MYT1L: variants seen among roughly 807,000 people sequenced by gnomAD.
MYT1L encodes myelin transcription factor 1-like protein.
A neutral mutation model predicts 126.7 loss-of-function variants in MYT1L; 12 were observed. The observed-to-expected ratio is 0.09, with a 90% CI of 0.06 to 0.15. MYT1L has a LOEUF of 0.15. Ranked by LOEUF, MYT1L falls within the 10% of genes least tolerant of loss-of-function variation. The probability of loss-of-function intolerance (pLI) is 1.00; values close to 1 mark genes in which losing one functional copy is unlikely to be tolerated. For missense variants in MYT1L, 979 were observed against 1,585.2 expected (o/e 0.62, Z 6.49); for synonymous variants, 541 against 604.2 (o/e 0.90, Z 1.53).
chr2:2,210,106 C>A (rs764405384), intron 2 of MYT1L, among the ~76,000 whole-genome samples: 8 of 152,142 alleles, frequency 5.3e-5, no homozygotes, highest in Non-Finnish European at 7.3e-5. Flanking sequence ...TGAGAGACGT[C>A]CATTCAGATC....
chr2:1,843,820 G>A (rs1421234455), intron 19 of MYT1L, among the ~76,000 whole-genome samples: 1 of 152,202 alleles, frequency 6.6e-6, no homozygotes, highest in Non-Finnish European at 1.5e-5. Flanking sequence ...TGGGAGCCAG[G>A]GACAGCTCTG....
At chr2:2,146,220 C>G (rs886810015) in intron 3 of MYT1L, among the ~76,000 whole-genome samples, 17 of 152,162 alleles carry the variant, frequency 1.1e-4, no homozygotes, top group Admixed American at 3.9e-4. Context: ...GTTATAAATG[C>G]ATCTTTTTCT....
intron 2 of MYT1L, among the ~76,000 whole-genome samples, chr2:2,252,286 AAT>A (rs2094675059): frequency 6.6e-6 from 1 of 152,130 alleles, no homozygotes; most frequent in Non-Finnish European, 1.5e-5. Context: ...ATTCCCCCTG[AAT>A]ACCAGCCCAT....
intron 4 of MYT1L, among the ~76,000 whole-genome samples, chr2:2,033,273 C>T (rs1467909187): frequency 6.9e-6 from 1 of 144,330 alleles, no homozygotes; most frequent in East Asian, 2.2e-4. Flanking sequence ...GCCAGTGCCT[C>T]TCATCCTGTG....
intron 4 of MYT1L, among the ~76,000 whole-genome samples, chr2:2,014,240 T>G (rs912598835): frequency 2.7e-5 from 4 of 150,488 alleles, no homozygotes; most frequent in Admixed American, 1.3e-4. Flanking sequence ...TTCCACTGCC[T>G]CTATCTAGTG....
rs530462487 is a variant in MYT1L, at chr2:1,885,970, T to C, written c.2711+569A>G. ...TTGCCAGATTTATGCTTAAAAATTA[T>C]AGGCATAGAGAAGAGGGAGGTAAAA... is the stretch of plus-strand genomic sequence containing the variant. On this transcript the variant is annotated intron_variant, in intron 18 of 24. Coordinates refer to ENST00000647738, the MANE Select transcript of MYT1L (RefSeq NM_001303052.2). 3.9e-5 allele frequency among the ~76,000 whole-genome samples: 6 copies of C among 152,250 alleles called. No individual in the cohort carries two copies. The South Asian group carries it at 1.0e-3, about 26-fold the overall frequency.
intron 3 of MYT1L, among the ~76,000 whole-genome samples, chr2:2,065,823 T>C (rs55781377): frequency 0.025 from 3,678 of 144,900 alleles, 143 homozygotes; most frequent in African/African-American, 0.087. Context: ...CTCTCTTTTA[T>C]ACACACACAC....
rs536393816 is a variant in MYT1L, at chr2:1,836,225, C to A, written c.3080+2924G>T. Among the ~76,000 whole-genome samples, 7 of 152,218 alleles carry A rather than the reference C, an allele frequency of 4.6e-5. No homozygotes were observed. In the East Asian group the frequency reaches 9.6e-4, roughly 21 times the overall value. ...TGGCCCAAGATTCCAACAGCCTGCA[C>A]CCAGTATTCTTGCACCCCAATATTC... is the stretch of plus-strand genomic sequence containing the variant. On this transcript the variant is annotated intron_variant, in intron 21 of 24. Transcript: ENST00000647738.
chr2:2,062,282 G>A (rs891423406), intron 3 of MYT1L, among the ~76,000 whole-genome samples: 15 of 152,148 alleles, frequency 9.9e-5, no homozygotes, highest in African/African-American at 3.4e-4. Flanking sequence ...ATGTACACAC[G>A]CTGTCCTATG....
rs554715021 is a variant in MYT1L, at chr2:2,290,528, A to G, written c.-520-6025T>C. 3.9e-5 allele frequency among the ~76,000 whole-genome samples: 6 copies of G among 152,362 alleles called. No individual in the cohort carries two copies. In the East Asian group the frequency reaches 1.2e-3, roughly 29 times the overall value. ...GTGGGCATAAAGATAACAATGAAGA[A>G]AAAGAGTCATTAAAACTTAATTGCT... is the stretch of plus-strand genomic sequence containing the variant. On this transcript the variant is annotated intron_variant, in intron 1 of 24. Transcript: ENST00000647738.
chr2:2,185,547 G>C (rs1382772504), intron 2 of MYT1L, among the ~76,000 whole-genome samples: 1 of 148,612 alleles, frequency 6.7e-6, no homozygotes, highest in Non-Finnish European at 1.5e-5. Flanking sequence ...GACGCAGCCG[G>C]GCCTCCTCGA....
At position 1,839,349 on chromosome 2, in the gene MYT1L, G is replaced by A. The variant is rs756501070; in HGVS notation, c.2880C>T (p.Asp960=). 14 of 1,612,972 alleles carry A rather than the reference G, an allele frequency of 8.7e-6. No individual in the cohort carries two copies. The highest frequency in any genetic ancestry group is 1.3e-5 in the African/African-American group (1 of 75,072). Residue 960 remains aspartate (D), a synonymous_variant, in exon 21 of 25, where the codon GAC becomes GAT. Transcript: ENST00000647738. ...EPIRCPVPGC[D]GQGHITGKYA... is the part of the protein sequence containing the mutation. ...ACTTCCCAGTGATGTGGCCCTGGCC[G>A]TCGCACCCGGGGACCGGACACCTGT... is the stretch of plus-strand genomic sequence containing the variant.
At chr2:2,319,638 G>C (rs1172451462) in intron 1 of MYT1L, among the ~76,000 whole-genome samples, 2 of 152,132 alleles carry the variant, frequency 1.3e-5, no homozygotes, top group Admixed American at 1.3e-4. Context: ...CCCAGGAAAG[G>C]GGCCTCAGGC....
At chr2:1,977,725 T>C (rs2060295797) in intron 8 of MYT1L, among the ~76,000 whole-genome samples, 2 of 152,216 alleles carry the variant, frequency 1.3e-5, no homozygotes, top group Non-Finnish European at 1.5e-5. Flanking sequence ...TTAATTTTTA[T>C]ATAACAGTGT....
intron 18 of MYT1L, among the ~76,000 whole-genome samples, chr2:1,854,909 A>G (rs2043716493): frequency 6.6e-6 from 1 of 152,134 alleles, no homozygotes; most frequent in Non-Finnish European, 1.5e-5. Context: ...TAGCGCCCAG[A>G]GCAGAGACAT....
chr2:1,885,916 T>C (rs932662541), intron 18 of MYT1L, among the ~76,000 whole-genome samples: 1 of 152,208 alleles, frequency 6.6e-6, no homozygotes. Context: ...ATCTCAGTGT[T>C]GCAGTATAAA....
intron 3 of MYT1L, among the ~76,000 whole-genome samples, chr2:2,097,979 G>A (rs58118040): frequency 0.018 from 2,813 of 152,172 alleles, 76 homozygotes; most frequent in African/African-American, 0.059. Flanking sequence ...GCACCTCCCC[G>A]CTTGCCCTCT....
At chr2:2,132,902 G>C (rs2082565811) in intron 3 of MYT1L, among the ~76,000 whole-genome samples, 1 of 152,112 alleles carries the variant, frequency 6.6e-6, no homozygotes, top group Non-Finnish European at 1.5e-5. Flanking sequence ...GGGTGTCTTG[G>C]TAAGTCAGCC....
intron 8 of MYT1L, among the ~76,000 whole-genome samples, chr2:1,971,396 T>C (rs13024398): frequency 0.027 from 4,069 of 152,252 alleles, 73 homozygotes; most frequent in Non-Finnish European, 0.042. Context: ...CACAGAAGAC[T>C]TACTGTGACA....
Sources: gnomAD v4.1 joint callset for allele counts (sites outside exome capture counted in the v4.1 genomes callset) on GRCh38, gnomAD v4.1.1 for gene constraint, MANE v1.5 for transcripts, NCBI Gene and HGNC (gene_info 2026-07-23, HGNC 2026-07-21) for gene names.